The following SESTD1 variants were observed in gnomAD, a reference collection of about 807,000 sequenced individuals.
SESTD1 encodes SEC14 domain and spectrin repeat-containing protein 1.
Under a neutral mutation model 101.7 loss-of-function variants are expected in SESTD1, and 43 were observed. The ratio of observed to expected loss-of-function variants is 0.42; its 90% CI spans 0.33 to 0.55. The LOEUF (loss-of-function observed/expected upper bound fraction) is 0.55, where lower values mean the gene tolerates loss of function less well. Ranked by LOEUF, SESTD1 falls within the 20% of genes least tolerant of loss-of-function variation. SESTD1 has a pLI of 0.07. For missense variants in SESTD1, 647 were observed against 815.1 expected, an observed-to-expected ratio of 0.79 and a Z score of 2.51; for synonymous variants, 283 against 286.8, an observed-to-expected ratio of 0.99 and a Z score of 0.13.
intron 17 of SESTD1, among the ~76,000 whole-genome samples, chr2:179,111,298 A>G (rs2044500975): frequency 6.6e-6 from 1 of 152,248 alleles, no homozygotes; most frequent in South Asian, 2.1e-4. Flanking sequence ...AGGGAATAAA[A>G]TGCCATCTTT....
chr2:179,230,113 CTTTTTTTTTTTTTTTTTTTTT>C (rs71023474), intron 1 of SESTD1, among the ~76,000 whole-genome samples: 27 of 56,418 alleles, frequency 4.8e-4, no homozygotes, highest in East Asian at 3.5e-3. Context: ...GATTGTATCT[CTTTTTTTTTTTTTTTTTTTTT>C]TTTTTTTTTT....
chr2:179,236,384 C>T (rs2047066576), intron 1 of SESTD1, among the ~76,000 whole-genome samples: 1 of 146,218 alleles, frequency 6.8e-6, no homozygotes, highest in Admixed American at 6.8e-5. Context: ...ACAGCCCTAG[C>T]TACTTGCGAG....
rs796373334 is a variant in SESTD1 at position 179,131,580 on chromosome 2, A to C, written c.972+724T>G. Among the ~76,000 whole-genome samples, 20 of 152,304 alleles carry C rather than the reference A, an allele frequency of 1.3e-4. 1 individual carries two copies. The highest frequency in any genetic ancestry group is 4.8e-4 in the African/African-American group (20 of 41,566). On this transcript the variant is annotated intron_variant, in intron 10 of 17. Coordinates refer to ENST00000428443, the MANE Select transcript of SESTD1 (RefSeq NM_178123.5). The stretch of plus-strand genomic sequence containing the variant: ...TAATCTATTTTAAATTACCAAAGTA[A>C]TATGACCTTAGGGAGAGGGGGGTGA...
intron 5 of SESTD1, among the ~76,000 whole-genome samples, chr2:179,169,717 C>T (rs1162270763): frequency 6.6e-6 from 1 of 152,118 alleles, no homozygotes; most frequent in African/African-American, 2.4e-5. Context: ...CACGGTGCCT[C>T]ATGCCTGTAA....
At chr2:179,173,720 TAA>T (rs1280632629) in intron 4 of SESTD1, among the ~76,000 whole-genome samples, 1 of 152,146 alleles carries the variant, frequency 6.6e-6, no homozygotes, top group African/African-American at 2.4e-5. Flanking sequence ...GTCCAGATAA[TAA>T]GTTATTCCAA....
chr2:179,169,419 A>G (rs1038145094), intron 5 of SESTD1, among the ~76,000 whole-genome samples: 1 of 152,190 alleles, frequency 6.6e-6, no homozygotes, highest in African/African-American at 2.4e-5. Flanking sequence ...TTTATGCAAT[A>G]AACAATAGAG....
At chr2:179,243,431 TG>T in intron 1 of SESTD1, among the ~76,000 whole-genome samples, 1 of 152,218 alleles carries the variant, frequency 6.6e-6, no homozygotes, top group South Asian at 2.1e-4. Flanking sequence ...GAAAATAAAT[TG>T]TTCTACCAAA....
In SESTD1 at chr2:179,101,862, C is replaced by T. The variant is rs2044282086; in HGVS notation, c.*8037G>A. ...ATTAATAACAAATGTACAATGTCTT[C>T]TATATATTTTTTTGCTTGTATGTTG... is the stretch of plus-strand genomic sequence containing the variant. On this transcript the variant is annotated 3_prime_UTR_variant, in exon 18 of 18. Transcript: ENST00000428443. 1 of 152,044 alleles carries T rather than the reference C, an allele frequency of 6.6e-6. No individual in the cohort carries two copies. Among genetic ancestry groups the T allele is most frequent in the South Asian group, 2.1e-4 (1 of 4,824 alleles). The allele number at this position is 152,044 out of a possible 1,614,324, so 9.4% of individuals were successfully genotyped here. A position where few individuals can be genotyped will look rare whatever the true frequency, so the allele number is the denominator to read the frequency against.
intron 1 of SESTD1, among the ~76,000 whole-genome samples, chr2:179,227,364 T>C (rs1167938110): frequency 1.3e-5 from 2 of 152,188 alleles, no homozygotes; most frequent in African/African-American, 2.4e-5. Context: ...AGATGGCTCC[T>C]GACTGCCACT....
chr2:179,149,170 G>T, intron 7 of SESTD1, 127 bp downstream of exon 7: 1 of 548,742 alleles, frequency 1.8e-6, no homozygotes, highest in Non-Finnish European at 3.1e-6. Context: ...AATATTGTAC[G>T]TCAATTTTGA....
rs1476663722 is a variant in SESTD1 at position 179,205,761 on chromosome 2, G to A, written c.-25-13895C>T. On this transcript the variant is annotated intron_variant, in intron 1 of 17. Transcript: ENST00000428443. ...TGTATAAGCCAAGATCAAATGAACT[G>A]ATAGATAAAAAGTAAAGCAGTCAAG... Among the ~76,000 whole-genome samples, 9 of 134,906 alleles carry A rather than the reference G, an allele frequency of 6.7e-5. 2 individuals are homozygous for A. Among genetic ancestry groups the A allele is most frequent in the Non-Finnish European group, 8.0e-5 (5 of 62,766 alleles). 88.5% of individuals were successfully genotyped at this position (134,906 alleles called of 152,430 possible).
At chr2:179,224,493 G>A (rs1441701844) in intron 1 of SESTD1, among the ~76,000 whole-genome samples, 1 of 152,144 alleles carries the variant, frequency 6.6e-6, no homozygotes, top group Non-Finnish European at 1.5e-5. Flanking sequence ...TACAACTCTT[G>A]CAATCTCTAA....
At chr2:179,245,292 G>A (rs188307982) in intron 1 of SESTD1, among the ~76,000 whole-genome samples, 202 of 152,144 alleles carry the variant, frequency 1.3e-3, no homozygotes, top group African/African-American at 4.6e-3. Flanking sequence ...TGAGGCGGAC[G>A]GATCATGAGG....
At chr2:179,195,931 A>G (rs28763731) in intron 1 of SESTD1, among the ~76,000 whole-genome samples, 30,740 of 151,948 alleles carry the variant, frequency 0.2, 3,334 homozygotes, top group South Asian at 0.29. Flanking sequence ...TGGTTGTTTA[A>G]GACAGAGGAA....
chr2:179,186,410 G>A lies in SESTD1; in HGVS notation c.56-3222C>T, dbSNP rs187552513. Reference sequence around the variant, plus strand: ...AGATAAATTCAAGTGTATATAAACAGTTTTGAACAGCAAAGAGTGAAAACA... The same window carrying A: ...AGATAAATTCAAGTGTATATAAACAATTTTGAACAGCAAAGAGTGAAAACA... On this transcript the variant is annotated intron_variant, in intron 2 of 17. Coordinates refer to ENST00000428443, the MANE Select transcript of SESTD1 (RefSeq NM_178123.5). Among the ~76,000 whole-genome samples, 422 of 152,162 alleles carry A rather than the reference G, an allele frequency of 2.8e-3. 4 individuals are homozygous for A. The highest frequency in any genetic ancestry group is 9.6e-3 in the African/African-American group (398 of 41,506).
At chr2:179,144,392 A>G (rs1047931724) in intron 8 of SESTD1, among the ~76,000 whole-genome samples, 1 of 152,092 alleles carries the variant, frequency 6.6e-6, no homozygotes, top group Non-Finnish European at 1.5e-5. Context: ...TCTATTTATA[A>G]GAATCTTCAC....
intron 5 of SESTD1, among the ~76,000 whole-genome samples, chr2:179,162,822 T>TAAA (rs33960106): frequency 3.6e-5 from 5 of 137,012 alleles, no homozygotes; most frequent in African/African-American, 1.1e-4. Context: ...TCGTCTCTAG[T>TAAA]AAAAAAAAAA....
At chr2:179,157,220 G>A (rs1242192216) in intron 5 of SESTD1, among the ~76,000 whole-genome samples, 1 of 152,118 alleles carries the variant, frequency 6.6e-6, no homozygotes, top group African/African-American at 2.4e-5. Context: ...AGAAATCACA[G>A]ATGACACAAA....
At chr2:179,135,088 G>T (rs2045109204) in intron 9 of SESTD1, among the ~76,000 whole-genome samples, 1 of 151,976 alleles carries the variant, frequency 6.6e-6, no homozygotes, top group South Asian at 2.1e-4. Context: ...GGGATTACAG[G>T]CGCCCGCCAC....
Sources: allele counts gnomAD v4.1 joint callset (sites outside exome capture counted in the v4.1 genomes callset), GRCh38; gene constraint gnomAD v4.1.1; transcripts MANE v1.5; gene names NCBI Gene and HGNC (gene_info 2026-07-23, HGNC 2026-07-21).